ST6GALNAC3: variants seen among roughly 807,000 people sequenced by gnomAD.
The protein encoded by ST6GALNAC3 is ST6 N-acetylgalactosaminide alpha-2,6-sialyltransferase 3.
A neutral mutation model predicts 32.7 loss-of-function variants in ST6GALNAC3; 25 were observed. That is an observed-to-expected ratio of 0.76 (90% confidence interval 0.56 to 1.07). The LOEUF is 1.07. Ranked by LOEUF, ST6GALNAC3 falls within the 50% of genes least tolerant of loss-of-function variation. ST6GALNAC3 has a pLI of 0.00. For missense variants in ST6GALNAC3, 355 were observed against 382.4 expected, an observed-to-expected ratio of 0.93 and a Z score of 0.60; for synonymous variants, 129 against 133.1, an observed-to-expected ratio of 0.97 and a Z score of 0.21.
At chr1:76,322,448 A>C (rs1646984950) in intron 2 of ST6GALNAC3, among the ~76,000 whole-genome samples, 1 of 152,230 alleles carries the variant, frequency 6.6e-6, no homozygotes. Flanking sequence ...ATCCTGGAAC[A>C]ATACCACCTA....
At chr1:76,428,038 A>G (rs1655512133) in intron 3 of ST6GALNAC3, among the ~76,000 whole-genome samples, 1 of 152,116 alleles carries the variant, frequency 6.6e-6, no homozygotes, top group Non-Finnish European at 1.5e-5. Context: ...ATATTCTATT[A>G]GATGTTATTA....
chr1:76,191,774 G>A (rs998334235), intron 1 of ST6GALNAC3, among the ~76,000 whole-genome samples: 3 of 152,192 alleles, frequency 2.0e-5, no homozygotes, highest in African/African-American at 7.2e-5. Context: ...TAAAGTGGAT[G>A]AATGACACTT....
At position 76,299,713 on chromosome 1, in the gene ST6GALNAC3, T is replaced by C. The variant is rs1205248008; in HGVS notation, c.19-14092T>C. 5.3e-5 allele frequency among the ~76,000 whole-genome samples: 8 copies of C among 152,044 alleles called. No homozygotes were observed. The South Asian group carries it at 1.7e-3, about 31-fold the overall frequency. ...TCCACAACTATGTATTGGTAATTCT[T>C]CCCTGGGGACTAACTTCATATATAT... On this transcript the variant is annotated intron_variant, in intron 1 of 4. Coordinates refer to ENST00000328299, the MANE Select transcript of ST6GALNAC3 (RefSeq NM_152996.4).
chr1:76,466,803 G>A (rs1389518714), intron 3 of ST6GALNAC3, among the ~76,000 whole-genome samples: 2 of 152,026 alleles, frequency 1.3e-5, no homozygotes, highest in Non-Finnish European at 2.9e-5. Context: ...TTAAAATTTT[G>A]TGATATAGAG....
At chr1:76,502,239 G>C (rs947977469) in intron 3 of ST6GALNAC3, among the ~76,000 whole-genome samples, 1 of 152,186 alleles carries the variant, frequency 6.6e-6, no homozygotes, top group Non-Finnish European at 1.5e-5. Context: ...CTGTTAATTA[G>C]CAAGAAAAGG....
At chr1:76,159,122 G>T (rs1023559278) in intron 1 of ST6GALNAC3, among the ~76,000 whole-genome samples, 2 of 152,162 alleles carry the variant, frequency 1.3e-5, no homozygotes, top group African/African-American at 2.4e-5. Flanking sequence ...GGAGGTGAAG[G>T]TGGTGGATTT....
At chr1:76,600,707 A>G (rs1647211566) in intron 3 of ST6GALNAC3, among the ~76,000 whole-genome samples, 1 of 152,246 alleles carries the variant, frequency 6.6e-6, no homozygotes, top group Admixed American at 6.5e-5. Flanking sequence ...TTATTATAAA[A>G]TAAATGCATC....
chr1:76,527,056 A>G (rs1424492269), intron 3 of ST6GALNAC3, among the ~76,000 whole-genome samples: 1 of 152,110 alleles, frequency 6.6e-6, no homozygotes, highest in African/African-American at 2.4e-5. Flanking sequence ...GACAAGCTTG[A>G]ATTAGACTTG....
intron 3 of ST6GALNAC3, among the ~76,000 whole-genome samples, chr1:76,570,654 T>G (rs915023592): frequency 1.4e-4 from 22 of 152,250 alleles, no homozygotes; most frequent in African/African-American, 5.1e-4. Context: ...TGCTAAGGCT[T>G]ATGCGTGCTT....
At chr1:76,477,286 T>C (rs1287740836) in intron 3 of ST6GALNAC3, among the ~76,000 whole-genome samples, 6 of 152,108 alleles carry the variant, frequency 3.9e-5, no homozygotes, top group Non-Finnish European at 8.8e-5. Flanking sequence ...GAGACCTGAC[T>C]CACACTCTGA....
At chr1:76,369,091 A>G (rs1349168365) in intron 2 of ST6GALNAC3, among the ~76,000 whole-genome samples, 2 of 152,184 alleles carry the variant, frequency 1.3e-5, no homozygotes, top group Non-Finnish European at 2.9e-5. Context: ...TAGAGCCCAG[A>G]GAAGTGCATT....
chr1:76,305,338 A>C (rs1660982956), intron 1 of ST6GALNAC3, among the ~76,000 whole-genome samples: 1 of 152,102 alleles, frequency 6.6e-6, no homozygotes. Context: ...CCTAATGAAG[A>C]AGATGTGATA....
chr1:76,190,390 A>AG (rs1653824311), intron 1 of ST6GALNAC3, among the ~76,000 whole-genome samples: 1 of 152,184 alleles, frequency 6.6e-6, no homozygotes, highest in Non-Finnish European at 1.5e-5. Context: ...CTTCTTTGCA[A>AG]GTTTGGAGCA....
intron 3 of ST6GALNAC3, among the ~76,000 whole-genome samples, chr1:76,484,397 T>C (rs546167334): frequency 6.6e-5 from 10 of 152,338 alleles, no homozygotes; most frequent in Non-Finnish European, 1.0e-4. Flanking sequence ...TTTTATTTCG[T>C]TGAGCAGTGG....
At chr1:76,525,793 A>G (rs7518618) in intron 3 of ST6GALNAC3, among the ~76,000 whole-genome samples, 1,117 of 20,794 alleles carry the variant, frequency 0.054, 12 homozygotes, top group African/African-American at 0.12. Flanking sequence ...GTGTGTGTGT[A>G]TATATATATA....
At chr1:76,318,064 G>T (rs185794693) in intron 2 of ST6GALNAC3, among the ~76,000 whole-genome samples, 85 of 151,892 alleles carry the variant, frequency 5.6e-4, no homozygotes, top group Middle Eastern at 3.4e-3. Context: ...CAATTAATCT[G>T]TTTTTTTTAA....
chr1:76,563,050 A>C (rs892137939), intron 3 of ST6GALNAC3, among the ~76,000 whole-genome samples: 7 of 152,226 alleles, frequency 4.6e-5, no homozygotes, highest in African/African-American at 1.7e-4. Flanking sequence ...AGTTTAATTG[A>C]AATGTGACCC....
intron 2 of ST6GALNAC3, among the ~76,000 whole-genome samples, chr1:76,409,241 G>T (rs779164680): frequency 1.3e-5 from 2 of 152,056 alleles, no homozygotes; most frequent in Non-Finnish European, 2.9e-5. Context: ...TGGACCACCT[G>T]CTACTCACAT....
chr1:76,338,514 G>A (rs1647690106), intron 2 of ST6GALNAC3, among the ~76,000 whole-genome samples: 1 of 152,198 alleles, frequency 6.6e-6, no homozygotes, highest in African/African-American at 2.4e-5. Flanking sequence ...GTAGCATGTA[G>A]CATAAGTAGG....
Sources: allele counts gnomAD v4.1 joint callset (sites outside exome capture counted in the v4.1 genomes callset), GRCh38; gene constraint gnomAD v4.1.1; transcripts MANE v1.5; gene names NCBI Gene and HGNC (gene_info 2026-07-23, HGNC 2026-07-21).